MSN: variants seen among roughly 807,000 people sequenced by gnomAD.
MSN encodes the protein moesin.
Under a neutral mutation model 48.0 loss-of-function variants are expected in MSN, and 2 were observed. That is an observed-to-expected ratio of 0.04 (90% CI 0.02 to 0.13). The LOEUF (loss-of-function observed/expected upper bound fraction) is 0.13, where lower values mean the gene tolerates loss of function less well. Among genes scored for constraint, MSN ranks in the 10% least tolerant of loss-of-function variants. The pLI, the probability that MSN is intolerant of heterozygous loss-of-function variation, is 1.00. For missense variants in MSN, 267 were observed against 470.1 expected (o/e 0.57, Z 3.99); for synonymous variants, 146 against 166.9 (o/e 0.87, Z 0.97).
intron 1 of MSN, among the ~76,000 whole-genome samples, chrX:65,682,182 G>A (rs147087320): frequency 1.2e-4 from 13 of 112,157 alleles, no homozygotes; most frequent in African/African-American, 4.2e-4. Flanking sequence ...TCTGAAGCCT[G>A]CCATGTACTG....
chrX:65,693,445 T>G (rs1421487998), intron 1 of MSN, among the ~76,000 whole-genome samples: 1 of 112,001 alleles, frequency 8.9e-6, no homozygotes. Flanking sequence ...TTGTGGGCAT[T>G]TAGTGCTATA....
intron 1 of MSN, among the ~76,000 whole-genome samples, chrX:65,619,998 G>A (rs749624141): frequency 9.0e-6 from 1 of 111,709 alleles, no homozygotes; most frequent in South Asian, 3.7e-4. Context: ...CTGCTGGGGG[G>A]TGCCTCCCAG....
chrX:65,692,929 C>T (rs1357860363), intron 1 of MSN, among the ~76,000 whole-genome samples: 1 of 111,868 alleles, frequency 8.9e-6, no homozygotes, highest in Non-Finnish European at 1.9e-5. Flanking sequence ...ATCCTCCCAC[C>T]TCGGCCAGCG....
intron 1 of MSN, among the ~76,000 whole-genome samples, chrX:65,632,504 C>T (rs1466826927): frequency 2.7e-5 from 3 of 112,479 alleles, no homozygotes; most frequent in Non-Finnish European, 3.8e-5. Flanking sequence ...AAGAAACTAC[C>T]AAACTATTTT....
At position 65,739,729 on chromosome X, in the gene MSN, G is replaced by A. The variant is rs144972292; in HGVS notation, c.1570G>A (p.Ala524Thr). Residue 524 changes from alanine to threonine, a missense_variant and splice_region_variant, in exon 13 of 13, where the codon GCC (alanine) becomes ACC (threonine). Physicochemically the swap from Ala to Thr is moderately conservative, Grantham distance 58. Coordinates refer to ENST00000360270, the MANE Select transcript of MSN (RefSeq NM_002444.3). ...TCTGTGTTCCCATACATCCTCACAGGCCCTCACTTCGGAGCTGGCCAATGC... is the reference window on the plus strand; with the variant it reads ...TCTGTGTTCCCATACATCCTCACAGACCCTCACTTCGGAGCTGGCCAATGC... ...KNERVQKHLK[A>T]LTSELANARD... 25 of 1,204,524 alleles carry A rather than the reference G, an allele frequency of 2.1e-5. No individual in the cohort carries two copies. The African/African-American group carries it at 4.4e-4, about 21-fold the overall frequency.
chrX:65,641,848 G>T (rs545295570), intron 1 of MSN, among the ~76,000 whole-genome samples: 1 of 108,261 alleles, frequency 9.2e-6, no homozygotes, highest in South Asian at 3.9e-4. Flanking sequence ...AAACAACTCA[G>T]TGTTGGCCGG....
chrX:65,623,041 G>A lies in MSN; in HGVS notation c.-22+34429G>A, dbSNP rs745683290. ...GTTTTTCCTCTTCCTTCTTATTAAT[G>A]TAATATATTACATTGATTGGCTTTT... On this transcript the variant is annotated intron_variant, in intron 1 of 3. Transcript: ENST00000609672. 5.4e-5 allele frequency among the ~76,000 whole-genome samples: 6 copies of A among 110,724 alleles called. No homozygotes were observed. In the Admixed American group the frequency reaches 5.8e-4, roughly 11 times the overall value.
At chrX:65,696,225 TCACACACACA>T (rs111720807) in intron 1 of MSN, among the ~76,000 whole-genome samples, 6 of 102,264 alleles carry the variant, frequency 5.9e-5, no homozygotes, top group African/African-American at 2.2e-4. Flanking sequence ...GCTTGCTCAT[TCACACACACA>T]CACACACACA....
At chrX:65,643,606 C>G (rs1312117256) in intron 1 of MSN, among the ~76,000 whole-genome samples, 1 of 111,772 alleles carries the variant, frequency 8.9e-6, no homozygotes, top group African/African-American at 3.2e-5. Context: ...GGGGTGGTGT[C>G]CAGATATAGT....
Position 65,739,899 on chromosome X carries a change from AC to A in MSN, c.*9del. ...ACGAATTTGAGTCTATGTAATGGGC[AC>A]CCAGCCTCTAGGGACCCCTCCTCCC... On this transcript the variant is annotated 3_prime_UTR_variant, in exon 13 of 13. Transcript: ENST00000360270. The A allele has an allele frequency of 8.3e-7, 1 of 1,202,932 alleles. No homozygotes were observed. Among genetic ancestry groups the A allele is most frequent in the East Asian group, 3.0e-5 (1 of 33,741 alleles).
Position 65,740,647 on chromosome X carries a change from G to A in MSN, c.*754G>A, listed in dbSNP as rs6525007. 0.18 allele frequency: 29,962 copies of A among 171,192 alleles called. 8,620 individuals carry two copies. Among genetic ancestry groups the A allele is most frequent in the African/African-American group, 0.83 (27,393 of 33,023 alleles). 14.1% of individuals were successfully genotyped at this position (171,192 alleles called of 1,213,427 possible). A position where few individuals can be genotyped will look rare whatever the true frequency, so the allele number is the denominator to read the frequency against. On this transcript the variant is annotated 3_prime_UTR_variant, in exon 13 of 13. Transcript: ENST00000360270. Reference sequence around the variant, plus strand: ...GTAGAAGATCCTACCCCAATTCCTTGTAGGAGTATAGGCCGGTCTAAAGTG... The same window carrying A: ...GTAGAAGATCCTACCCCAATTCCTTATAGGAGTATAGGCCGGTCTAAAGTG...
chrX:65,590,647 G>A (rs1027746489), intron 1 of MSN, among the ~76,000 whole-genome samples: 4 of 111,535 alleles, frequency 3.6e-5, no homozygotes, highest in Admixed American at 9.5e-5. Context: ...TGGGGATGCT[G>A]GCAGATGGGA....
chrX:65,630,589 A>AAAAAC (rs1369588200), intron 1 of MSN, among the ~76,000 whole-genome samples: 1 of 110,865 alleles, frequency 9.0e-6, no homozygotes, highest in Middle Eastern at 4.2e-3. Flanking sequence ...ACCCTGCCTC[A>AAAAAC]AAAACAAAAC....
chrX:65,603,669 A>G (rs60398859), intron 1 of MSN, among the ~76,000 whole-genome samples: 25,626 of 111,966 alleles, frequency 0.23, 7,039 homozygotes, highest in African/African-American at 0.79. Context: ...ATGGTTCTAG[A>G]TTATAGGGCT....
chrX:65,633,152 A>AG (rs1390328286), intron 1 of MSN, among the ~76,000 whole-genome samples: 2 of 111,512 alleles, frequency 1.8e-5, no homozygotes, highest in Non-Finnish European at 3.8e-5. Flanking sequence ...GGATCAAGCA[A>AG]GGACCTACTT....
At chrX:65,664,562 C>T (rs1271420145), upstream of MSN, among the ~76,000 whole-genome samples, 1 of 110,530 alleles carries the variant, frequency 9.0e-6, no homozygotes, top group Non-Finnish European at 1.9e-5. Flanking sequence ...CTTTCTGATC[C>T]CCAGTTCTCC....
At chrX:65,631,131 T>G (rs926331073) in intron 1 of MSN, among the ~76,000 whole-genome samples, 7 of 108,622 alleles carry the variant, frequency 6.4e-5, no homozygotes, top group African/African-American at 2.4e-4. Flanking sequence ...AGTCTCGCTC[T>G]GTTGCCCAGG....
At chrX:65,616,626 T>C (rs2070375075) in intron 1 of MSN, among the ~76,000 whole-genome samples, 1 of 88,043 alleles carries the variant, frequency 1.1e-5, no homozygotes, top group African/African-American at 4.2e-5. Context: ...TGGGGTTTTC[T>C]AGATATACAA....
At chrX:65,727,933 A>G in intron 3 of MSN, 24 bp downstream of exon 3, 1 of 1,159,863 alleles carries the variant, frequency 8.6e-7, no homozygotes, top group Non-Finnish European at 1.2e-6. Context: ...CCTCTGTTGG[A>G]TTTAGAATTC....
Sources: gnomAD v4.1 joint callset for allele counts (sites outside exome capture counted in the v4.1 genomes callset) on GRCh38, gnomAD v4.1.1 for gene constraint, MANE v1.5 for transcripts, NCBI Gene and HGNC (gene_info 2026-07-23, HGNC 2026-07-21) for gene names.